PIK3CD: variants seen among roughly 807,000 people sequenced by gnomAD.
PIK3CD encodes the protein phosphatidylinositol-4,5-bisphosphate 3-kinase catalytic subunit delta.
PIK3CD carries 20 observed loss-of-function variants against 122.9 expected under a neutral mutation model. The observed-to-expected ratio is 0.16, with a 90% CI of 0.11 to 0.24. The LOEUF (loss-of-function observed/expected upper bound fraction) is 0.24, where lower values mean the gene tolerates loss of function less well. Ranked by LOEUF, PIK3CD falls within the 10% of genes least tolerant of loss-of-function variation. The pLI is 1.00. For synonymous variants in PIK3CD, 596 were observed against 593.4 expected, an observed-to-expected ratio of 1.00 and a Z score of -0.06; for missense variants, 787 against 1,406.3, an observed-to-expected ratio of 0.56 and a Z score of 7.04.
chr1:9,718,017 G>T lies in PIK3CD; in HGVS notation c.1020+391G>T. On this transcript the variant is annotated intron_variant, in intron 8 of 23. Transcript: ENST00000377346. The surrounding 1 kb of genome is among the most constrained non-coding windows in gnomAD (Gnocchi z 7.2). ...CACCAGGGCGGTGCCTGCAGCCTGT[G>T]AGGGCTGCACCTGCCTCAACCTCTA... The T allele has an allele frequency of 2.1e-6, 1 of 467,472 alleles. No homozygotes were observed. The highest frequency in any genetic ancestry group is 1.7e-5 in the South Asian group (1 of 60,420). 29.0% of individuals were successfully genotyped at this position (467,472 alleles called of 1,614,324 possible). A position where few individuals can be genotyped will look rare whatever the true frequency, so the allele number is the denominator to read the frequency against.
At chr1:9,673,839 C>T (rs186524442) in intron 1 of PIK3CD, among the ~76,000 whole-genome samples, 139 of 152,250 alleles carry the variant, frequency 9.1e-4, no homozygotes, top group African/African-American at 2.9e-3. Context: ...GCTTTGTTTT[C>T]TTCATGGAAT....
In PIK3CD at chr1:9,727,891, G is replaced by A. The variant is rs12083192; in HGVS notation, c.*845G>A. The A allele has an allele frequency of 0.041, 7,063 of 172,864 alleles. 500 individuals are homozygous for A. The highest frequency in any genetic ancestry group is 0.16 in the African/African-American group (6,466 of 41,564). 10.7% of individuals were successfully genotyped at this position (172,864 alleles called of 1,614,324 possible). A position where few individuals can be genotyped will look rare whatever the true frequency, so the allele number is the denominator to read the frequency against. Reference sequence around the variant, plus strand: ...GCAATCTTGGCTCACTGTAACCTCCGCCTCCCAGGTTCAAGTGATTCTTCT... The same window carrying A: ...GCAATCTTGGCTCACTGTAACCTCCACCTCCCAGGTTCAAGTGATTCTTCT... On this transcript the variant is annotated 3_prime_UTR_variant, in exon 24 of 24. Transcript: ENST00000377346.
chr1:9,671,004 C>T (rs1165148026), intron 1 of PIK3CD, among the ~76,000 whole-genome samples: 2 of 152,008 alleles, frequency 1.3e-5, no homozygotes, highest in East Asian at 1.9e-4. Flanking sequence ...GTGATCTGCC[C>T]GTCTCAACCT....
At chr1:9,646,984 G>A (rs940387980), upstream of PIK3CD, among the ~76,000 whole-genome samples, 3 of 151,628 alleles carry the variant, frequency 2.0e-5, no homozygotes, top group South Asian at 2.1e-4. Context: ...GGTGGCGGGC[G>A]CCTGTAGTCC....
At chr1:9,639,158 T>C in the PIK3CD span, among the ~76,000 whole-genome samples, 2 of 152,118 alleles carry the variant, frequency 1.3e-5, no homozygotes, top group African/African-American at 2.4e-5. Context: ...ACCTTCTCCC[T>C]CTCCTGCATG....
Position 9,721,565 on chromosome 1 carries a change from C to T in PIK3CD, c.1933C>T (p.His645Tyr), listed in dbSNP as rs1648659871. The change falls in exon 15 of 24, where the codon CAC (histidine) becomes TAC (tyrosine). Residue 645 changes from histidine to tyrosine, a missense_variant. Physicochemically the swap from His to Tyr is moderately conservative, Grantham distance 83. Coordinates refer to ENST00000377346, the MANE Select transcript of PIK3CD (RefSeq NM_005026.5). Reference protein sequence around the residue: ...DRALANRKIGHFLFWHLRSEM... With the variant: ...DRALANRKIGYFLFWHLRSEM... ...GGCCCTGGCCAACCGCAAGATCGGC[C>T]ACTTCCTTTTCTGGCACCTCCGGTA... 1 of 1,613,470 alleles carries T rather than the reference C, an allele frequency of 6.2e-7. No homozygotes were observed. The highest frequency in any genetic ancestry group is 1.3e-5 in the African/African-American group (1 of 74,932).
At chr1:9,644,149 G>A in the PIK3CD span, among the ~76,000 whole-genome samples, 1 of 152,200 alleles carries the variant, frequency 6.6e-6, no homozygotes, top group Admixed American at 6.6e-5. Context: ...TTTGTGAGAA[G>A]AAGCTGTGAG....
intron 1 of PIK3CD, among the ~76,000 whole-genome samples, chr1:9,676,661 G>A (rs1645550098): frequency 6.6e-6 from 1 of 152,200 alleles, no homozygotes; most frequent in Admixed American, 6.5e-5. Context: ...TGGTACGGTG[G>A]TAAAGAGCAG....
In PIK3CD at chr1:9,724,107, G is replaced by A. The variant is rs1169364707; in HGVS notation, c.2718+15G>A. 1 of 1,614,112 alleles carries A rather than the reference G, an allele frequency of 6.2e-7. No homozygotes were observed. Among genetic ancestry groups the A allele is most frequent in the Non-Finnish European group, 8.5e-7 (1 of 1,180,020 alleles). Reference sequence around the variant, plus strand: ...AGAGTGGGCAGGTACAGGGGCTGGTGCTGGCGGCTGCTGTGGGGACTTGGC... The same window carrying A: ...AGAGTGGGCAGGTACAGGGGCTGGTACTGGCGGCTGCTGTGGGGACTTGGC... On this transcript the variant is annotated intron_variant, in intron 21 of 23. Transcript: ENST00000377346. This position sits in a 1 kb window ranked among gnomAD's most constrained non-coding sequence, Gnocchi z 7.3.
Position 9,727,393 on chromosome 1 carries a change from C to A in PIK3CD, c.*347C>A, listed in dbSNP as rs548719128. On this transcript the variant is annotated 3_prime_UTR_variant, in exon 24 of 24. Transcript: ENST00000377346. ...CCTTCTTCCCAGGCCTCCCGCCAGACTGCCTGGGTCCTGGCGCCTGGCGGT... is the reference window on the plus strand; with the variant it reads ...CCTTCTTCCCAGGCCTCCCGCCAGAATGCCTGGGTCCTGGCGCCTGGCGGT... 3.1e-3 allele frequency: 1,328 copies of A among 430,866 alleles called. 19 individuals are homozygous for A. Among genetic ancestry groups the A allele is most frequent in the Non-Finnish European group, 1.9e-3 (443 of 229,410 alleles). The allele number at this position is 430,866 out of a possible 1,614,324, so 26.7% of individuals were successfully genotyped here. A position where few individuals can be genotyped will look rare whatever the true frequency, so the allele number is the denominator to read the frequency against.
chr1:9,713,493 GT>G (rs200704745), intron 3 of PIK3CD, among the ~76,000 whole-genome samples: 2 of 151,806 alleles, frequency 1.3e-5, no homozygotes, highest in East Asian at 3.9e-4. Context: ...TATGTACAGT[GT>G]TTTTTTTGTA....
chr1:9,672,353 GTTTTAAAAATGT>G (rs759664499), intron 1 of PIK3CD: 14 of 152,118 alleles, frequency 9.2e-5, no homozygotes, highest in Non-Finnish European at 2.1e-4. Flanking sequence ...ACTCCAACCA[GTTTTAAAAATGT>G]GGATTAGTAC....
intron 2 of PIK3CD, among the ~76,000 whole-genome samples, chr1:9,692,827 T>C (rs115537532): frequency 0.028 from 4,270 of 152,194 alleles, 189 homozygotes; most frequent in African/African-American, 0.095. Flanking sequence ...AGCCCAGAAC[T>C]CCTTCTGCTC....
At chr1:9,726,238 A>G (rs373141914) in intron 23 of PIK3CD, among the ~76,000 whole-genome samples, 16 of 151,668 alleles carry the variant, frequency 1.1e-4, no homozygotes, top group Middle Eastern at 3.4e-3. Context: ...GCCGGGCACG[A>G]TGGCTCAGGC....
the PIK3CD span, among the ~76,000 whole-genome samples, chr1:9,627,690 GGCT>G: frequency 6.6e-6 from 1 of 152,200 alleles, no homozygotes; most frequent in Non-Finnish European, 1.5e-5. Context: ...GAGGACCAGG[GGCT>G]GAGTCTCCTG....
At chr1:9,687,423 T>A (rs1164871643) in intron 1 of PIK3CD, 1 of 152,342 alleles carries the variant, frequency 6.6e-6, no homozygotes, top group African/African-American at 2.4e-5. Context: ...TGATTTCTCA[T>A]CTTGGGGAAA....
rs547875116 is a variant in PIK3CD at position 9,722,125 on chromosome 1, G to A, written c.2206G>A (p.Asp736Asn). ...EALSHLQSPL[D>N]PSTLLAEVCV... ...CCTCTCCCACCTGCAGTCCCCACTC[G>A]ACCCCAGCACCCTGCTGGCTGAAGT... Residue 736 changes from aspartate (D) to asparagine (N), a missense_variant, in exon 17 of 24, where the codon GAC becomes AAC. By Grantham distance (23) the Asp-to-Asn change is conservative. This residue lies in a region of PIK3CD where 48 missense variants were observed against 71.9 expected (regional missense o/e 0.67). Coordinates refer to ENST00000377346, the MANE Select transcript of PIK3CD (RefSeq NM_005026.5). The surrounding 1 kb of genome is among the most constrained non-coding windows in gnomAD (Gnocchi z 7.6). The A allele has an allele frequency of 3.0e-5, 48 of 1,612,944 alleles. No homozygotes were observed. The highest frequency in any genetic ancestry group is 5.0e-5 in the Admixed American group (3 of 59,986).
intron 1 of PIK3CD, chr1:9,654,162 T>C: frequency 7.5e-7 from 1 of 1,326,700 alleles, no homozygotes; most frequent in African/African-American, 1.5e-5. Context: ...CTTCAGCCCC[T>C]GTTCAGAAAC....
intron 1 of PIK3CD, among the ~76,000 whole-genome samples, chr1:9,661,621 G>C (rs1253039431): frequency 6.6e-6 from 1 of 152,090 alleles, no homozygotes; most frequent in Non-Finnish European, 1.5e-5. Context: ...AGCACTTTTG[G>C]AGGCCAAGGC....
Sources: gnomAD v4.1 joint callset for allele counts (sites outside exome capture counted in the v4.1 genomes callset) on GRCh38, gnomAD v4.1.1 for gene constraint, gnomAD v4.1.1 regional missense constraint, Gnocchi (gnomAD v3.1) non-coding constraint, MANE v1.5 for transcripts, NCBI Gene and HGNC (gene_info 2026-07-23, HGNC 2026-07-21) for gene names.